Variants in AXIN1 observed in about 807,000 individuals in gnomAD.
AXIN1 encodes axin-1.
A neutral mutation model predicts 76.4 loss-of-function variants in AXIN1; 30 were observed. The observed-to-expected ratio is 0.39, with a 90% CI of 0.29 to 0.53. AXIN1 has a LOEUF of 0.53. Ranked by LOEUF, AXIN1 falls within the 20% of genes least tolerant of loss-of-function variation. The pLI is 0.66. For missense variants in AXIN1, 1,140 were observed against 1,198.8 expected (o/e 0.95, Z 0.72); for synonymous variants, 545 against 501.4 (o/e 1.09, Z -1.16).
chr16:298,074 C>A lies in AXIN1; in HGVS notation c.1432G>T (p.Val478Leu). Residue 478 changes from valine (V) to leucine (L), a missense_variant, in exon 6 of 11, where the codon GTG (valine) becomes TTG (leucine). By Grantham distance (32) the Val-to-Leu change is conservative (BLOSUM62 1). Coordinates refer to ENST00000262320, the MANE Select transcript of AXIN1 (RefSeq NM_003502.4). ...ESILDEHVQR[V>L]LRTPGRQSPG... ...GACTGGCGGCCAGGTGTCCTCAGCA[C>A]ACGCTGTACGTGCTCGTCCAGGATG... is the stretch of plus-strand genomic sequence containing the variant. 6.4e-7 allele frequency: 1 copy of A among 1,564,990 alleles called. No individual in the cohort carries two copies. The highest frequency in any genetic ancestry group is 8.6e-7 in the Non-Finnish European group (1 of 1,159,936).
intron 4 of AXIN1, among the ~76,000 whole-genome samples, chr16:309,254 C>G (rs530342674): frequency 6.6e-6 from 1 of 151,622 alleles, no homozygotes; most frequent in Non-Finnish European, 1.5e-5. Context: ...GACGTGAACC[C>G]GGGAGGCAGA....
At chr16:336,816 C>CAAAAAAAAAAAA (rs57147459) in intron 2 of AXIN1, among the ~76,000 whole-genome samples, 2 of 77,074 alleles carry the variant, frequency 2.6e-5, no homozygotes, top group Non-Finnish European at 4.9e-5. Flanking sequence ...GACTCCGCCT[C>CAAAAAAAAAAAA]AAAAAAAAAA....
intron 5 of AXIN1, among the ~76,000 whole-genome samples, chr16:302,677 A>AGT (rs1236675570): frequency 6.6e-6 from 1 of 152,092 alleles, no homozygotes; most frequent in Non-Finnish European, 1.5e-5. Context: ...TGAAAGAGTG[A>AGT]GTGTACCGAG....
intron 5 of AXIN1, chr16:299,211 G>C (rs2052801373): frequency 1.0e-6 from 1 of 985,436 alleles, no homozygotes; most frequent in Non-Finnish European, 1.2e-6. Flanking sequence ...TTATCTGTCA[G>C]AGCAAACATT....
chr16:299,064 G>T, intron 5 of AXIN1: 1 of 985,314 alleles, frequency 1.0e-6, no homozygotes, highest in Non-Finnish European at 1.2e-6. Context: ...GCCGCGCCCG[G>T]CCTCCCATTA....
chr16:322,712 C>T (rs1263612348), intron 2 of AXIN1, among the ~76,000 whole-genome samples: 1 of 152,220 alleles, frequency 6.6e-6, no homozygotes, highest in Non-Finnish European at 1.5e-5. Context: ...CACACAGAAT[C>T]GCTGGCTCCC....
intron 7 of AXIN1, among the ~76,000 whole-genome samples, chr16:295,272 T>G (rs984220120): frequency 6.6e-6 from 1 of 151,554 alleles, no homozygotes; most frequent in African/African-American, 2.4e-5. Context: ...ACACGGCTAA[T>G]TTTTTGTATT....
At position 293,348 on chromosome 16, in the gene AXIN1, G is replaced by C. The variant is rs2052621183; in HGVS notation, c.2186+140C>G. The C allele has an allele frequency of 1.2e-6, 1 of 850,972 alleles. No homozygotes were observed. The highest frequency in any genetic ancestry group is 1.8e-6 in the Non-Finnish European group (1 of 548,940). 52.7% of individuals were successfully genotyped at this position (850,972 alleles called of 1,614,324 possible). On this transcript the variant is annotated intron_variant, in intron 8 of 10. Coordinates refer to ENST00000262320, the MANE Select transcript of AXIN1 (RefSeq NM_003502.4). The surrounding 1 kb of genome is among the most constrained non-coding windows in gnomAD (Gnocchi z 4.6). Reference sequence around the variant, plus strand: ...CGTGGCCCCTCAGTGGTTCTCAGTGGATGGAAGGGCCCAGTATGGCTGGGG... The same window carrying C: ...CGTGGCCCCTCAGTGGTTCTCAGTGCATGGAAGGGCCCAGTATGGCTGGGG...
intron 10 of AXIN1, 163 bp from the exon 11 acceptor site, chr16:288,411 G>C (rs1437589787): frequency 8.7e-6 from 9 of 1,039,870 alleles, no homozygotes; most frequent in South Asian, 5.7e-5. Flanking sequence ...ACAGTGAACA[G>C]TGCAATGACC....
At chr16:351,335 C>T (rs2054138598) in intron 1 of AXIN1, among the ~76,000 whole-genome samples, 1 of 150,572 alleles carries the variant, frequency 6.6e-6, no homozygotes, top group Non-Finnish European at 1.5e-5. Context: ...AGGGGCCAGG[C>T]GCGGTGGCTC....
In AXIN1 at chr16:296,388, C is replaced by T. The variant is rs552227927; in HGVS notation, c.1955+668G>A. Among the ~76,000 whole-genome samples the T allele has an allele frequency of 4.6e-5, 7 of 152,406 alleles. No individual in the cohort carries two copies. The South Asian group carries it at 6.2e-4, about 14-fold the overall frequency. On this transcript the variant is annotated intron_variant, in intron 7 of 10. Coordinates refer to ENST00000262320, the MANE Select transcript of AXIN1 (RefSeq NM_003502.4). ...GGCCATCCACCCACCAGGGCCAACA[C>T]TTCCCAGCTGACCTGCCTCTGACCA...
At chr16:295,923 C>T (rs1360055510) in intron 7 of AXIN1, among the ~76,000 whole-genome samples, 1 of 152,084 alleles carries the variant, frequency 6.6e-6, no homozygotes, top group African/African-American at 2.4e-5. Flanking sequence ...GCCAAGATTG[C>T]ACCACTGCAC....
rs2141706412 is a variant in AXIN1 at position 346,741 on chromosome 16, G to A, written c.285C>T (p.Asp95=). The A allele has an allele frequency of 6.3e-7, 1 of 1,598,746 alleles. No homozygotes were observed. Among genetic ancestry groups the A allele is most frequent in the Non-Finnish European group, 8.5e-7 (1 of 1,170,258 alleles). The change falls in exon 2 of 11, where the codon GAC becomes GAT. Residue 95 remains aspartate, a synonymous_variant. Transcript: ENST00000262320. ...TCCTGAACAGGCTTATCCCATCTTG[G>A]TCATCCAGCAGGGAATGCAGTGACT... ...WAESLHSLLD[D]QDGISLFRTF...
chr16:337,797 AGG>A (rs2053837403), intron 2 of AXIN1, among the ~76,000 whole-genome samples: 1 of 152,234 alleles, frequency 6.6e-6, no homozygotes, highest in South Asian at 2.1e-4. Flanking sequence ...CTGGAGGAGA[AGG>A]GGCATGGAAT....
intron 4 of AXIN1, among the ~76,000 whole-genome samples, chr16:305,095 C>T (rs954188368): frequency 1.3e-5 from 2 of 152,200 alleles, no homozygotes; most frequent in Admixed American, 1.3e-4. Context: ...GAGCAGAAGG[C>T]CCCCGAGGCC....
chr16:321,890 C>A (rs1039710172), intron 2 of AXIN1, among the ~76,000 whole-genome samples: 1 of 152,200 alleles, frequency 6.6e-6, no homozygotes, highest in Non-Finnish European at 1.5e-5. Flanking sequence ...ATGCTTCAGG[C>A]TGGTTGTAAA....
rs1002630324 is a variant in AXIN1, at chr16:339,196, C to CAAAAAAAAA, written c.878+6943_878+6951dup. On this transcript the variant is annotated intron_variant, in intron 2 of 10. Transcript: ENST00000262320. ...AGTTCAAAACCAGCCAGCCTGGTCT[C>CAAAAAAAAA]AAAAAAAAAAAAAAAAAAAAAAAAA... 1.9e-3 allele frequency among the ~76,000 whole-genome samples: 66 copies of CAAAAAAAAA among 34,676 alleles called. 1 individual carries two copies. The highest frequency in any genetic ancestry group is 2.8e-3 in the Non-Finnish European group (52 of 18,642). 22.7% of individuals were successfully genotyped at this position (34,676 alleles called of 152,430 possible). A position where few individuals can be genotyped will look rare whatever the true frequency, so the allele number is the denominator to read the frequency against.
intron 5 of AXIN1, among the ~76,000 whole-genome samples, chr16:303,742 T>C (rs984026400): frequency 6.6e-6 from 1 of 152,168 alleles, no homozygotes; most frequent in African/African-American, 2.4e-5. Flanking sequence ...GAATTGTCTG[T>C]GAGCCTAATT....
rs2052410654 is a variant in AXIN1, at chr16:287,488, A to AAGAT, written c.*630_*633dup. 2 of 362,386 alleles carry AAGAT rather than the reference A, an allele frequency of 5.5e-6. No individual in the cohort carries two copies. Among genetic ancestry groups the AAGAT allele is most frequent in the South Asian group, 4.9e-5 (1 of 20,338 alleles). The allele number at this position is 362,386 out of a possible 1,614,324, so 22.4% of individuals were successfully genotyped here. ...TCATTATTATCCAAGTACCTTTGAA[A>AAGAT]AGATAATTAATTGTACAAGTGTCAT... On this transcript the variant is annotated 3_prime_UTR_variant, in exon 11 of 11. Transcript: ENST00000262320.
Sources: gnomAD v4.1 joint callset for allele counts (sites outside exome capture counted in the v4.1 genomes callset) on GRCh38, gnomAD v4.1.1 for gene constraint, Gnocchi (gnomAD v3.1) non-coding constraint, MANE v1.5 for transcripts, NCBI Gene and HGNC (gene_info 2026-07-23, HGNC 2026-07-21) for gene names.